Variants in KIAA1549L observed in about 807,000 individuals in gnomAD.
KIAA1549L encodes the protein UPF0606 protein KIAA1549L.
Under a neutral mutation model 160.7 loss-of-function variants are expected in KIAA1549L, and 88 were observed. The observed-to-expected ratio is 0.55, with a 90% CI of 0.46 to 0.65. KIAA1549L has a LOEUF of 0.65. Ranked by LOEUF, KIAA1549L falls within the 30% of genes least tolerant of loss-of-function variation. The probability of loss-of-function intolerance (pLI) is 0.00; values close to 1 mark genes in which losing one functional copy is unlikely to be tolerated. For synonymous variants in KIAA1549L, 950 were observed against 976.7 expected, an observed-to-expected ratio of 0.97 and a Z score of 0.51; for missense variants, 2,258 against 2,437.5, an observed-to-expected ratio of 0.93 and a Z score of 1.55.
At chr11:33,503,875 G>C (rs1853012486) in intron 1 of KIAA1549L, among the ~76,000 whole-genome samples, 2 of 152,238 alleles carry the variant, frequency 1.3e-5, no homozygotes, top group Non-Finnish European at 2.9e-5. Flanking sequence ...AAATGCAGCA[G>C]GAATGGTCAA....
Position 33,606,735 on chromosome 11 carries a change from G to C in KIAA1549L, c.4974G>C (p.Gln1658His). The stretch of plus-strand genomic sequence containing the variant: ...TTGACACATCTTCTGGGTCTGTGCA[G>C]CTCATTGCCATAAAACCCACAGCCC... ...EPFDTSSGSV[Q>H]LIAIKPTALP... Residue 1658 changes from glutamine (Q) to histidine (H), a missense_variant, in exon 14 of 21, where the codon CAG becomes CAC. Coordinates refer to ENST00000658780, the MANE Select transcript of KIAA1549L (RefSeq NM_012194.3). 1 of 1,613,878 alleles carries C rather than the reference G, an allele frequency of 6.2e-7. No individual in the cohort carries two copies.
chr11:33,447,173 G>C (rs184222464), intron 1 of KIAA1549L, among the ~76,000 whole-genome samples: 1 of 152,312 alleles, frequency 6.6e-6, no homozygotes, highest in African/African-American at 2.4e-5. Flanking sequence ...GTTCAGGGCA[G>C]AAGGAACTGT....
chr11:33,378,765 G>A (rs1368281513), intron 1 of KIAA1549L, among the ~76,000 whole-genome samples: 1 of 151,924 alleles, frequency 6.6e-6, no homozygotes, highest in Admixed American at 6.6e-5. Context: ...GTTTGCCACT[G>A]ATTCAATTCC....
Position 33,544,193 on chromosome 11 carries a change from C to T in KIAA1549L, c.2630C>T (p.Ser877Leu). The change falls in exon 2 of 21, where the codon TCA (serine) becomes TTA (leucine). Residue 877 changes from serine to leucine, a missense_variant. This residue lies in a region of KIAA1549L where 287 missense variants were observed against 292.3 expected (regional missense o/e 0.98). Coordinates refer to ENST00000658780, the MANE Select transcript of KIAA1549L (RefSeq NM_012194.3). The stretch of plus-strand genomic sequence containing the variant: ...TCTGAAATTTCCAGTGACATCAATT[C>T]ATCACCTGAGAGAAATGCTTCCACA... Reference protein sequence around the residue: ...TGSEISSDINSSPERNASTPF... With the variant: ...TGSEISSDINLSPERNASTPF... 6.2e-7 allele frequency: 1 copy of T among 1,614,034 alleles called. No individual in the cohort carries two copies. The highest frequency in any genetic ancestry group is 8.5e-7 in the Non-Finnish European group (1 of 1,179,894).
chr11:33,484,988 T>G (rs762263968), intron 1 of KIAA1549L, among the ~76,000 whole-genome samples: 11 of 152,218 alleles, frequency 7.2e-5, no homozygotes, highest in Admixed American at 1.3e-4. Context: ...TCCTTTTTCA[T>G]TTCCCTAGGT....
intron 1 of KIAA1549L, among the ~76,000 whole-genome samples, chr11:33,383,804 G>A (rs1052071908): frequency 2.6e-5 from 4 of 152,206 alleles, no homozygotes; most frequent in African/African-American, 9.7e-5. Flanking sequence ...GCATGGGACC[G>A]AGGCTCAGGG....
At chr11:33,497,776 A>T (rs1852854394) in intron 1 of KIAA1549L, among the ~76,000 whole-genome samples, 1 of 152,234 alleles carries the variant, frequency 6.6e-6, no homozygotes, top group East Asian at 1.9e-4. Context: ...TTACCACTAA[A>T]GTTTGTGTTG....
chr11:33,570,548 C>A (rs781400214), intron 9 of KIAA1549L, among the ~76,000 whole-genome samples: 2 of 152,136 alleles, frequency 1.3e-5, no homozygotes, highest in Non-Finnish European at 2.9e-5. Context: ...TTCCCCACCT[C>A]CTTTCCCACT....
intron 1 of KIAA1549L, among the ~76,000 whole-genome samples, chr11:33,499,803 TA>T (rs1357707073): frequency 1.3e-5 from 2 of 152,242 alleles, no homozygotes; most frequent in African/African-American, 4.8e-5. Flanking sequence ...ATGGAGCACT[TA>T]CTATGTGACA....
chr11:33,431,177 T>C (rs1322569735), intron 1 of KIAA1549L, among the ~76,000 whole-genome samples: 3 of 151,872 alleles, frequency 2.0e-5, no homozygotes, highest in Non-Finnish European at 4.4e-5. Context: ...ATCTTCGCGG[T>C]GAGTGTTACA....
At chr11:33,397,961 T>C (rs1850421000) in intron 1 of KIAA1549L, among the ~76,000 whole-genome samples, 1 of 148,780 alleles carries the variant, frequency 6.7e-6, no homozygotes, top group African/African-American at 2.5e-5. Flanking sequence ...AGTCTTATGG[T>C]TGCCTAGGCT....
At chr11:33,570,717 A>G (rs1855224720) in intron 9 of KIAA1549L, among the ~76,000 whole-genome samples, 1 of 152,232 alleles carries the variant, frequency 6.6e-6, no homozygotes, top group African/African-American at 2.4e-5. Context: ...ATCTAAAGAT[A>G]TTTCTTAAGT....
intron 1 of KIAA1549L, among the ~76,000 whole-genome samples, chr11:33,409,148 C>T (rs117056036): frequency 2.0e-5 from 3 of 151,536 alleles, no homozygotes; most frequent in Non-Finnish European, 4.4e-5. Context: ...TTTTTGGAAG[C>T]GTTTACAAAG....
intron 1 of KIAA1549L, among the ~76,000 whole-genome samples, chr11:33,382,739 T>A (rs957471755): frequency 5.3e-5 from 8 of 152,098 alleles, no homozygotes; most frequent in African/African-American, 1.9e-4. Flanking sequence ...TCCCATCTCA[T>A]CCTTCCCATC....
At chr11:33,443,893 G>A (rs971304439) in intron 1 of KIAA1549L, among the ~76,000 whole-genome samples, 2 of 152,168 alleles carry the variant, frequency 1.3e-5, no homozygotes, top group Non-Finnish European at 2.9e-5. Flanking sequence ...ATGAGGAAAT[G>A]GAGCTGGCAC....
chr11:33,568,713 C>T (rs915758946), intron 9 of KIAA1549L, among the ~76,000 whole-genome samples: 1 of 152,188 alleles, frequency 6.6e-6, no homozygotes, highest in African/African-American at 2.4e-5. Flanking sequence ...TAGTGGACAC[C>T]TGGCCACGTA....
chr11:33,383,757 G>A (rs957768631), intron 1 of KIAA1549L, among the ~76,000 whole-genome samples: 6 of 152,196 alleles, frequency 3.9e-5, no homozygotes, highest in African/African-American at 9.7e-5. Context: ...AAGTGCCTGC[G>A]TTGCTCAAAG....
intron 19 of KIAA1549L, among the ~76,000 whole-genome samples, chr11:33,659,409 A>C (rs184835638): frequency 6.6e-6 from 1 of 152,354 alleles, no homozygotes; most frequent in Admixed American, 6.5e-5. Flanking sequence ...AGGTTGCTAT[A>C]CACATACTAT....
intron 1 of KIAA1549L, among the ~76,000 whole-genome samples, chr11:33,390,133 A>G (rs141821343): frequency 1.1e-4 from 16 of 152,368 alleles, no homozygotes; most frequent in Admixed American, 2.0e-4. Flanking sequence ...GTTTCAGAAG[A>G]GAGAACTGAG....
Sources: gnomAD v4.1 joint callset for allele counts (sites outside exome capture counted in the v4.1 genomes callset) on GRCh38, gnomAD v4.1.1 for gene constraint, gnomAD v4.1.1 regional missense constraint, MANE v1.5 for transcripts, NCBI Gene and HGNC (gene_info 2026-07-23, HGNC 2026-07-21) for gene names.